The following TP53I11 variants were observed in gnomAD, a reference collection of about 807,000 sequenced individuals.
TP53I11 encodes the protein tumor protein p53 inducible protein 11.
TP53I11 carries 9 observed loss-of-function variants against 23.3 expected under a neutral mutation model. The observed-to-expected ratio is 0.39, with a 90% CI of 0.23 to 0.67. The LOEUF (loss-of-function observed/expected upper bound fraction) is 0.67, where lower values mean the gene tolerates loss of function less well. Ranked by LOEUF, TP53I11 falls within the 30% of genes least tolerant of loss-of-function variation. The pLI, the probability that TP53I11 is intolerant of heterozygous loss-of-function variation, is 0.48. For synonymous variants in TP53I11, 100 were observed against 106.1 expected (o/e 0.94, Z 0.35); for missense variants, 170 against 255.2 (o/e 0.67, Z 2.27).
intron 1 of TP53I11, 41 bp from the exon 2 acceptor site, chr11:44,938,407 G>C: frequency 6.8e-7 from 1 of 1,472,938 alleles, no homozygotes; most frequent in Non-Finnish European, 9.0e-7. Flanking sequence ...TTCCTACCCA[G>C]CTTCCAGACC....
rs779486313 is a variant in TP53I11 at position 44,938,338 on chromosome 11, TCTC to T, written c.-6_-4del. 2 of 1,596,412 alleles carry T rather than the reference TCTC, an allele frequency of 1.3e-6. No individual in the cohort carries two copies. The highest frequency in any genetic ancestry group is 1.7e-5 in the Admixed American group (1 of 58,382). On this transcript the variant is annotated 5_prime_UTR_variant, in exon 2 of 7. Transcript: ENST00000525680. ...GGCGGGGGCTGCTTGGCCGCCATCT[TCTC>T]CTCCAGCCCGGCCTCTGCAGAAGGG...
chr11:44,941,648 C>T (rs144769764), intron 1 of TP53I11, among the ~76,000 whole-genome samples: 273 of 152,248 alleles, frequency 1.8e-3, no homozygotes, highest in African/African-American at 6.4e-3. Flanking sequence ...CACAGCAAGT[C>T]CCCAGTGAAG....
intron 1 of TP53I11, among the ~76,000 whole-genome samples, chr11:44,942,985 G>T (rs2135484436): frequency 6.6e-6 from 1 of 152,344 alleles, no homozygotes; most frequent in South Asian, 2.1e-4. Flanking sequence ...AGTGAGGACA[G>T]AAGACTCCAC....
At chr11:44,935,496 TAGAGC>T (rs2135417632) in intron 6 of TP53I11, 60 bp downstream of exon 6, 1 of 1,469,592 alleles carries the variant, frequency 6.8e-7, no homozygotes, top group Non-Finnish European at 9.5e-7. Context: ...CCCAGGTGGC[TAGAGC>T]AGGCAGGTCA....
chr11:44,937,722 A>C, intron 2 of TP53I11, 109 bp from the exon 3 acceptor site: 2 of 1,189,864 alleles, frequency 1.7e-6, no homozygotes, highest in Non-Finnish European at 2.4e-6. Context: ...TGGGCACCTC[A>C]GCTTGGCCAA....
intron 1 of TP53I11, among the ~76,000 whole-genome samples, chr11:44,944,712 G>A (rs185943290): frequency 3.3e-5 from 5 of 152,286 alleles, no homozygotes; most frequent in Non-Finnish European, 5.9e-5. Context: ...GTCCTCATCT[G>A]TGAAACCAGA....
At chr11:44,947,141 A>C (rs771105922) in intron 1 of TP53I11, 11 of 455,680 alleles carry the variant, frequency 2.4e-5, no homozygotes, top group Non-Finnish European at 4.4e-5. Context: ...GGGCAAGGGG[A>C]TCAGGCCCTC....
At position 44,950,807 on chromosome 11, in the gene TP53I11, G is replaced by T; in HGVS notation, c.-162C>A. The T allele has an allele frequency of 8.1e-6, 1 of 123,180 alleles. No homozygotes were observed. The highest frequency in any genetic ancestry group is 2.6e-4 in the South Asian group (1 of 3,792). 7.6% of individuals were successfully genotyped at this position (123,180 alleles called of 1,614,324 possible). ...GGGCAGGGCAGGGCAGGGCAGGGCA[G>T]GACAGGGCAGGGCAGGGCAGGGCCG... On this transcript the variant is annotated 5_prime_UTR_variant, in exon 1 of 7. It adds an upstream start codon to the 5' untranslated region. Coordinates refer to ENST00000525680, the MANE Select transcript of TP53I11 (RefSeq NM_006034.5).
chr11:44,940,149 G>T (rs1055214835), intron 1 of TP53I11, among the ~76,000 whole-genome samples: 1 of 152,248 alleles, frequency 6.6e-6, no homozygotes, highest in African/African-American at 2.4e-5. Context: ...GCCAGGCGAG[G>T]CTGCCCTGAA....
chr11:44,935,901 C>A, intron 5 of TP53I11: 1 of 580,706 alleles, frequency 1.7e-6, no homozygotes, highest in Non-Finnish European at 3.1e-6. Context: ...CTATGTGACA[C>A]TGGGCGAGTC....
intron 1 of TP53I11, among the ~76,000 whole-genome samples, chr11:44,945,919 T>TA (rs1449735882): frequency 6.6e-6 from 1 of 152,172 alleles, no homozygotes; most frequent in Non-Finnish European, 1.5e-5. Flanking sequence ...GGATGGAGTC[T>TA]AGAGATCCCC....
chr11:44,939,099 G>T (rs913978457), intron 1 of TP53I11: 2 of 152,002 alleles, frequency 1.3e-5, no homozygotes, highest in African/African-American at 4.8e-5. Flanking sequence ...CTTGGACCAG[G>T]TTGGGAGCAC....
intron 6 of TP53I11, 60 bp from the exon 7 acceptor site, chr11:44,935,077 C>T: frequency 4.4e-6 from 7 of 1,601,140 alleles, no homozygotes; most frequent in Non-Finnish European, 6.0e-6. Flanking sequence ...CCCAGCGCTG[C>T]CCCCCTAGCC....
At chr11:44,950,896 T>C (rs1862908433), upstream of TP53I11, 2 of 151,662 alleles carry the variant, frequency 1.3e-5, no homozygotes, top group African/African-American at 4.8e-5. Context: ...CGGCCCGCGC[T>C]GGTCCCTCCT....
Position 44,932,550 on chromosome 11 carries a change from C to G in TP53I11, c.*2334G>C, listed in dbSNP as rs879596693. On this transcript the variant is annotated 3_prime_UTR_variant, in exon 7 of 7. Coordinates refer to ENST00000525680, the MANE Select transcript of TP53I11 (RefSeq NM_006034.5). ...AGGTCACCCCAAACGGAGCGTAGAG[C>G]GGGCCCACACCGAGCTTTCCTCGCT... is the stretch of plus-strand genomic sequence containing the variant. 6.6e-6 allele frequency: 1 copy of G among 152,226 alleles called. No individual in the cohort carries two copies. Among genetic ancestry groups the G allele is most frequent in the Non-Finnish European group, 1.5e-5 (1 of 68,062 alleles). The allele number at this position is 152,226 out of a possible 1,614,324, so 9.4% of individuals were successfully genotyped here.
Position 44,936,205 on chromosome 11 carries a change from C to T in TP53I11, c.335-543G>A. 1 of 1,019,304 alleles carries T rather than the reference C, an allele frequency of 9.8e-7. No homozygotes were observed. The highest frequency in any genetic ancestry group is 1.7e-5 in the African/African-American group (1 of 58,712). 63.1% of individuals were successfully genotyped at this position (1,019,304 alleles called of 1,614,324 possible). On this transcript the variant is annotated intron_variant, in intron 5 of 6. Transcript: ENST00000525680. The surrounding 1 kb of genome is among the most constrained non-coding windows in gnomAD (Gnocchi z 4.4). The stretch of plus-strand genomic sequence containing the variant: ...CCCGCCCACCCAGTGTCTGCTGGTA[C>T]CAGACATGCCACTGGGTGTGCATTT...
rs542918982 is a variant in TP53I11 at position 44,935,165 on chromosome 11, C to A, written c.437-148G>T. On this transcript the variant is annotated intron_variant, in intron 6 of 6. Transcript: ENST00000525680. ...CCAGGTGGGAAGCACAGGACCTGCC[C>A]CCTGCCCCTGCCAACCCCACAGATG... 113 of 1,116,730 alleles carry A rather than the reference C, an allele frequency of 1.0e-4. 1 individual carries two copies. The South Asian group carries it at 1.6e-3, about 15-fold the overall frequency. 69.2% of individuals were successfully genotyped at this position (1,116,730 alleles called of 1,614,324 possible). A position where few individuals can be genotyped will look rare whatever the true frequency, so the allele number is the denominator to read the frequency against.
intron 5 of TP53I11, 165 bp from the exon 6 acceptor site, chr11:44,935,827 C>T (rs567629290): frequency 2.9e-5 from 18 of 621,940 alleles, no homozygotes; most frequent in Admixed American, 5.1e-5. Context: ...AGCTGTCTGT[C>T]CCCGATCCTG....
intron 2 of TP53I11, 111 bp from the exon 3 acceptor site, chr11:44,937,724 C>G: frequency 8.4e-7 from 1 of 1,185,064 alleles, no homozygotes; most frequent in East Asian, 2.5e-5. Context: ...GGCACCTCAG[C>G]TTGGCCAAAG....
Sources: gnomAD v4.1 joint callset for allele counts (sites outside exome capture counted in the v4.1 genomes callset) on GRCh38, gnomAD v4.1.1 for gene constraint, Gnocchi (gnomAD v3.1) non-coding constraint, MANE v1.5 for transcripts, NCBI Gene and HGNC (gene_info 2026-07-23, HGNC 2026-07-21) for gene names.